Variants in BASP1 observed in about 807,000 individuals in gnomAD.
The protein encoded by BASP1 is brain abundant membrane attached signal protein 1.
A neutral mutation model predicts 2.2 loss-of-function variants in BASP1; 1 was observed. The observed-to-expected ratio is 0.46, with a 90% CI of 0.16 to 2.17. BASP1 has a LOEUF of 2.17. BASP1 is among the 30% of genes most tolerant of loss of function. The probability of loss-of-function intolerance (pLI) is 0.27; values close to 1 mark genes in which losing one functional copy is unlikely to be tolerated. For synonymous variants in BASP1, 187 were observed against 154.2 expected (o/e 1.21, Z -1.58); for missense variants, 352 against 327.2 (o/e 1.08, Z -0.58).
rs1740608255 is a variant in BASP1 at position 17,275,225 on chromosome 5, C to A, written c.9C>A (p.Gly3=). Residue 3 remains glycine, a synonymous_variant, in exon 2 of 2, where the codon GGC becomes GGA. Transcript: ENST00000322611. The surrounding 1 kb of genome is among the most constrained non-coding windows in gnomAD (Gnocchi z 5.3). ...GCTTCCAGAACTCCAAGATGGGAGG[C>A]AAGCTCAGCAAGAAGAAGAAGGGCT... is the stretch of plus-strand genomic sequence containing the variant. The part of the protein sequence containing the change: MG[G]KLSKKKKGYN... 1 of 1,613,314 alleles carries A rather than the reference C, an allele frequency of 6.2e-7. No homozygotes were observed. The highest frequency in any genetic ancestry group is 1.7e-5 in the Admixed American group (1 of 59,944).
intron 1 of BASP1, among the ~76,000 whole-genome samples, chr5:17,229,265 A>C (rs1739574891): frequency 6.6e-6 from 1 of 152,174 alleles, no homozygotes; most frequent in Non-Finnish European, 1.5e-5. Flanking sequence ...CAGGCTTGAG[A>C]GAGGAAAAGG....
intron 1 of BASP1, among the ~76,000 whole-genome samples, chr5:17,234,543 GT>G (rs1324389140): frequency 6.6e-6 from 1 of 152,176 alleles, no homozygotes; most frequent in Non-Finnish European, 1.5e-5. Context: ...TTGCAAACTT[GT>G]TTTTTTGTAT....
At position 17,251,669 on chromosome 5, in the gene BASP1, T is replaced by C. The variant is rs1212838946; in HGVS notation, c.-9-23539T>C. Among the ~76,000 whole-genome samples, 8 of 151,736 alleles carry C rather than the reference T, an allele frequency of 5.3e-5. No homozygotes were observed. The highest frequency in any genetic ancestry group is 5.3e-4 in the Admixed American group (8 of 15,230). ...TATGAACATATTTTAGTGGAACATA[T>C]TTAGTGGAACATAAGCATTGGATGT... On this transcript the variant is annotated intron_variant, in intron 1 of 1. Transcript: ENST00000322611. The surrounding 1 kb of genome is among the most constrained non-coding windows in gnomAD (Gnocchi z 4.0).
rs1740102578 is a variant in BASP1 at position 17,251,558 on chromosome 5, A to G, written c.-9-23650A>G. On this transcript the variant is annotated intron_variant, in intron 1 of 1. Transcript: ENST00000322611. The surrounding 1 kb of genome is among the most constrained non-coding windows in gnomAD (Gnocchi z 4.0). ...CCAACTGTCTTTGTCTAGCAGCAGG[A>G]GGAGGTAGGGAAGAACAAAAGCTTT... is the stretch of plus-strand genomic sequence containing the variant. Among the ~76,000 whole-genome samples the G allele has an allele frequency of 6.6e-6, 1 of 152,228 alleles. No homozygotes were observed. Among genetic ancestry groups the G allele is most frequent in the East Asian group, 1.9e-4 (1 of 5,192 alleles).
chr5:17,276,008 A>G lies in BASP1; in HGVS notation c.*108A>G, dbSNP rs1442132985. The G allele has an allele frequency of 5.9e-5, 54 of 916,990 alleles. No individual in the cohort carries two copies. Among genetic ancestry groups the G allele is most frequent in the Middle Eastern group, 7.7e-4 (2 of 2,606 alleles). The allele number at this position is 916,990 out of a possible 1,614,324, so 56.8% of individuals were successfully genotyped here. A position where few individuals can be genotyped will look rare whatever the true frequency, so the allele number is the denominator to read the frequency against. On this transcript the variant is annotated 3_prime_UTR_variant, in exon 2 of 2. Transcript: ENST00000322611. ...ATCTCCTCTCTCTCTCTCCTCTCCTATCTCTCCTCTCTCTCTCTCCTATAC... is the reference window on the plus strand; with the variant it reads ...ATCTCCTCTCTCTCTCTCCTCTCCTGTCTCTCCTCTCTCTCTCTCCTATAC...
At chr5:17,262,211 CTCCT>C (rs1440255157) in intron 1 of BASP1, among the ~76,000 whole-genome samples, 1 of 152,200 alleles carries the variant, frequency 6.6e-6, no homozygotes, top group Non-Finnish European at 1.5e-5. Context: ...TGAGAGTCCT[CTCCT>C]TCCTCTTAAA....
chr5:17,265,319 G>A (rs1740397573), intron 1 of BASP1, among the ~76,000 whole-genome samples: 1 of 152,130 alleles, frequency 6.6e-6, no homozygotes, highest in South Asian at 2.1e-4. Context: ...GCGAAGACTT[G>A]AATAACATTA....
At chr5:17,268,721 A>G (rs2126519492) in intron 1 of BASP1, among the ~76,000 whole-genome samples, 1 of 152,340 alleles carries the variant, frequency 6.6e-6, no homozygotes, top group East Asian at 1.9e-4. Context: ...TCGGTAGAGG[A>G]GATTGTCTCT....
At chr5:17,244,957 G>T (rs1338344628) in intron 1 of BASP1, among the ~76,000 whole-genome samples, 1 of 150,474 alleles carries the variant, frequency 6.6e-6, no homozygotes, top group South Asian at 2.1e-4. Context: ...TTACAGGCGT[G>T]AGCCACCATG....
intron 1 of BASP1, among the ~76,000 whole-genome samples, chr5:17,231,077 T>C (rs1319543196): frequency 6.6e-6 from 1 of 152,230 alleles, no homozygotes; most frequent in Non-Finnish European, 1.5e-5. Flanking sequence ...GAAACGATGC[T>C]GTTTAATGTC....
chr5:17,227,483 C>A (rs530942467), intron 1 of BASP1, among the ~76,000 whole-genome samples: 10 of 152,116 alleles, frequency 6.6e-5, no homozygotes, highest in Non-Finnish European at 1.2e-4. Flanking sequence ...CTCACTGCAA[C>A]CTCCGCCTCC....
intron 1 of BASP1, among the ~76,000 whole-genome samples, chr5:17,226,931 CTT>C (rs5866244): frequency 0.4 from 58,396 of 144,658 alleles, 11,876 homozygotes; most frequent in Non-Finnish European, 0.46. Context: ...ACTCATTTTT[CTT>C]TTTTTTTTTT....
intron 1 of BASP1, among the ~76,000 whole-genome samples, chr5:17,267,784 T>G (rs1740443150): frequency 1.4e-5 from 2 of 142,656 alleles, no homozygotes; most frequent in South Asian, 4.6e-4. Context: ...CCCAAAGTGC[T>G]GGGATTACAG....
intron 1 of BASP1, among the ~76,000 whole-genome samples, chr5:17,223,798 C>T (rs965950556): frequency 6.6e-6 from 1 of 152,162 alleles, no homozygotes. Flanking sequence ...TGTCTTGAAT[C>T]AGATGTATCA....
intron 1 of BASP1, among the ~76,000 whole-genome samples, chr5:17,271,164 G>A (rs1471837709): frequency 1.3e-5 from 2 of 152,114 alleles, no homozygotes; most frequent in Non-Finnish European, 2.9e-5. Flanking sequence ...TTGTTTTGAG[G>A]CAGGGTCTCA....
chr5:17,252,655 A>G (rs1226175952), intron 1 of BASP1, among the ~76,000 whole-genome samples: 1 of 152,266 alleles, frequency 6.6e-6, no homozygotes, highest in East Asian at 1.9e-4. Context: ...AGAAGGAATT[A>G]GAGTTAAGAA....
In BASP1 at chr5:17,275,771, G is replaced by A. The variant is rs1740637616; in HGVS notation, c.555G>A (p.Glu185=). Residue 185 remains glutamate (E), a synonymous_variant, in exon 2 of 2, where the codon GAG becomes GAA. Transcript: ENST00000322611. The surrounding 1 kb of genome is among the most constrained non-coding windows in gnomAD (Gnocchi z 5.3). Reference sequence around the variant, plus strand: ...CGGAGGCTGCCCCCTCTTCCAAGGAGACCCCCGCAGCCACGGAAGCGCCTA... The same window carrying A: ...CGGAGGCTGCCCCCTCTTCCAAGGAAACCCCCGCAGCCACGGAAGCGCCTA... ...GSSEAAPSSK[E]TPAATEAPSS... 6.2e-7 allele frequency: 1 copy of A among 1,612,814 alleles called. No homozygotes were observed.
rs180826708 is a variant in BASP1, at chr5:17,233,866, C to T, written c.-10+16056C>T. ...AATACAGGCCGGGCGCAGTGGCTCA[C>T]GCCTGTAATGCCAGCACTTTGGGAG... is the stretch of plus-strand genomic sequence containing the variant. On this transcript the variant is annotated intron_variant, in intron 1 of 1. Coordinates refer to ENST00000322611, the MANE Select transcript of BASP1 (RefSeq NM_006317.5). Among the ~76,000 whole-genome samples the T allele has an allele frequency of 1.9e-3, 289 of 151,914 alleles. 1 individual carries two copies. Among genetic ancestry groups the T allele is most frequent in the Middle Eastern group, 6.8e-3 (2 of 294 alleles).
intron 1 of BASP1, among the ~76,000 whole-genome samples, chr5:17,246,082 G>A (rs943862357): frequency 6.6e-6 from 1 of 152,184 alleles, no homozygotes; most frequent in African/African-American, 2.4e-5. Context: ...ATTTGGAGGA[G>A]TTCTTTCAGC....
Sources: gnomAD v4.1 joint callset for allele counts (sites outside exome capture counted in the v4.1 genomes callset) on GRCh38, gnomAD v4.1.1 for gene constraint, Gnocchi (gnomAD v3.1) non-coding constraint, MANE v1.5 for transcripts, NCBI Gene and HGNC (gene_info 2026-07-23, HGNC 2026-07-21) for gene names.